The following PCDHGB7 variants were observed in gnomAD, a reference collection of about 807,000 sequenced individuals.
The protein encoded by PCDHGB7 is protocadherin gamma subfamily B, 7.
PCDHGB7 carries 37 observed loss-of-function variants against 61.4 expected under a neutral mutation model. The ratio of observed to expected loss-of-function variants is 0.60; its 90% confidence interval spans 0.46 to 0.79. The LOEUF (loss-of-function observed/expected upper bound fraction) is 0.79. Among genes scored for constraint, PCDHGB7 ranks in the 30% least tolerant of loss-of-function variants. PCDHGB7 has a pLI of 0.00. For synonymous variants in PCDHGB7, 464 were observed against 503.5 expected (o/e 0.92, Z 1.05); for missense variants, 1,166 against 1,202.5 (o/e 0.97, Z 0.45).
rs1192987646 is a variant in PCDHGB7, at chr5:141,423,758, G to A, written c.2415+3484G>A. Reference sequence around the variant, plus strand: ...CTGTTATGAAAACTGTTTGGGGGGGGGGTGGGGCGGCATATATTTAGTTCA... The same window carrying A: ...CTGTTATGAAAACTGTTTGGGGGGGAGGTGGGGCGGCATATATTTAGTTCA... On this transcript the variant is annotated intron_variant, in intron 1 of 3. Coordinates refer to ENST00000398594, the MANE Select transcript of PCDHGB7 (RefSeq NM_018927.4). 8.2e-5 allele frequency: 30 copies of A among 366,770 alleles called. 3 individuals are homozygous for A. Among genetic ancestry groups the A allele is most frequent in the Non-Finnish European group, 1.1e-4 (29 of 259,742 alleles). The allele number at this position is 366,770 out of a possible 1,614,324, so 22.7% of individuals were successfully genotyped here.
intron 1 of PCDHGB7, among the ~76,000 whole-genome samples, chr5:141,435,840 T>G (rs1408413470): frequency 6.6e-6 from 1 of 152,118 alleles, no homozygotes; most frequent in Non-Finnish European, 1.5e-5. Context: ...CCTATCTACT[T>G]TGAAAGATAC....
At position 141,476,051 on chromosome 5, in the gene PCDHGB7, GA is replaced by G; in HGVS notation, c.2416-18753del. On this transcript the variant is annotated intron_variant, in intron 1 of 3. Transcript: ENST00000398594. This position sits in a 1 kb window ranked among gnomAD's most constrained non-coding sequence, Gnocchi z 7.6. ...CCCAGCGCCCAAGCGCTAACCCGCT[GA>G]AAGTTTCTCAGCGAAATCTCAGGGA... 1.3e-6 allele frequency: 2 copies of G among 1,504,270 alleles called. No individual in the cohort carries two copies. The highest frequency in any genetic ancestry group is 1.8e-6 in the Non-Finnish European group (2 of 1,133,694). The allele number at this position is 1,504,270 out of a possible 1,614,324, so 93.2% of individuals were successfully genotyped here.
intron 1 of PCDHGB7, chr5:141,423,397 C>A: frequency 1.9e-6 from 3 of 1,614,146 alleles, no homozygotes; most frequent in Non-Finnish European, 2.5e-6. Context: ...GCATAAGTCA[C>A]GCCTGCTGCA....
At position 141,485,275 on chromosome 5, in the gene PCDHGB7, G is replaced by A. The variant is rs77402299; in HGVS notation, c.2416-9532G>A. The A allele has an allele frequency of 8.7e-6, 14 of 1,613,954 alleles. No homozygotes were observed. In the African/African-American group the frequency reaches 1.1e-4, roughly 12 times the overall value. ...ACGTTTGTGGGCAGATCCGCTACCC[G>A]GTCCCAGAGGAGTCACAGGAAGGGA... On this transcript the variant is annotated intron_variant, in intron 1 of 3. Transcript: ENST00000398594. The surrounding 1 kb of genome is among the most constrained non-coding windows in gnomAD (Gnocchi z 5.7).
chr5:141,477,719 T>C lies in PCDHGB7; in HGVS notation c.2416-17088T>C. 6.2e-7 allele frequency: 1 copy of C among 1,613,876 alleles called. No individual in the cohort carries two copies. Among genetic ancestry groups the C allele is most frequent in the Non-Finnish European group, 8.5e-7 (1 of 1,180,028 alleles). ...CTATGAGGATCGGCGGGAATTTGAA[T>C]TAACAGCTCATATCAGCGATGGGGG... On this transcript the variant is annotated intron_variant, in intron 1 of 3. Transcript: ENST00000398594. The surrounding 1 kb of genome is among the most constrained non-coding windows in gnomAD (Gnocchi z 4.9).
chr5:141,422,349 T>C (rs768693451), intron 1 of PCDHGB7: 95 of 1,554,604 alleles, frequency 6.1e-5, no homozygotes, highest in Non-Finnish European at 8.2e-5. Flanking sequence ...ATGTGCAAGA[T>C]CAAGATTCTG....
In PCDHGB7 at chr5:141,418,010, G is replaced by A; in HGVS notation, c.151G>A (p.Ala51Thr). 1 of 1,613,914 alleles carries A rather than the reference G, an allele frequency of 6.2e-7. No individual in the cohort carries two copies. Among genetic ancestry groups the A allele is most frequent in the African/African-American group, 1.3e-5 (1 of 75,060 alleles). The change falls in exon 1 of 4, where the codon GCT becomes ACT. Residue 51 changes from alanine (A) to threonine (T), a missense_variant. Physicochemically the swap from Ala to Thr is moderately conservative, Grantham distance 58 (BLOSUM62 0). Transcript: ENST00000398594. Reference protein sequence around the residue: ...LAKGSVVGNLAKDLGLSVLDV... With the variant: ...LAKGSVVGNLTKDLGLSVLDV... Reference sequence around the variant, plus strand: ...CAAGGGCTCGGTGGTGGGGAACCTCGCTAAGGATCTAGGGCTTAGTGTCCT... The same window carrying A: ...CAAGGGCTCGGTGGTGGGGAACCTCACTAAGGATCTAGGGCTTAGTGTCCT...
Position 141,477,749 on chromosome 5 carries a change from C to T in PCDHGB7, c.2416-17058C>T. The stretch of plus-strand genomic sequence containing the variant: ...AGCTCATATCAGCGATGGGGGCACC[C>T]CGGTCCTAGCCACCAACATCAGCGT... On this transcript the variant is annotated intron_variant, in intron 1 of 3. Transcript: ENST00000398594. The surrounding 1 kb of genome is among the most constrained non-coding windows in gnomAD (Gnocchi z 4.9). 1 of 1,613,904 alleles carries T rather than the reference C, an allele frequency of 6.2e-7. No homozygotes were observed. Among genetic ancestry groups the T allele is most frequent in the Non-Finnish European group, 8.5e-7 (1 of 1,180,030 alleles).
rs2097423534 is a variant in PCDHGB7 at position 141,431,850 on chromosome 5, C to A, written c.2415+11576C>A. 6.2e-7 allele frequency: 1 copy of A among 1,614,234 alleles called. No individual in the cohort carries two copies. ...GTTCCCGAAAACTCTCCCAGAGGGA[C>A]ATTAATTGCCCTTTTAAATGTAAAT... On this transcript the variant is annotated intron_variant, in intron 1 of 3. Coordinates refer to ENST00000398594, the MANE Select transcript of PCDHGB7 (RefSeq NM_018927.4). This position sits in a 1 kb window ranked among gnomAD's most constrained non-coding sequence, Gnocchi z 4.8.
In PCDHGB7 at chr5:141,462,417, A is replaced by G. The variant is rs184240612; in HGVS notation, c.2416-32390A>G. 4.0e-4 allele frequency among the ~76,000 whole-genome samples: 61 copies of G among 152,300 alleles called. 1 individual carries two copies. The highest frequency in any genetic ancestry group is 3.2e-3 in the Admixed American group (49 of 15,300). ...TCTTTTATGGCACAGAATATGGTCT[A>G]TCTTGGTGAGTGTTGCTTACACACA... On this transcript the variant is annotated intron_variant, in intron 1 of 3. Transcript: ENST00000398594.
intron 2 of PCDHGB7, among the ~76,000 whole-genome samples, chr5:141,498,789 C>T (rs1302940884): frequency 6.6e-6 from 1 of 151,980 alleles, no homozygotes; most frequent in Non-Finnish European, 1.5e-5. Context: ...AAATATTAGC[C>T]AGGTGTGGTG....
rs780541121 is a variant in PCDHGB7 at position 141,477,533 on chromosome 5, G to T, written c.2416-17274G>T. ...TTACATTGAAGAAAACAACCTCCCCGGGGCTCCAATACTAAACCTAAGTGT... is the reference window on the plus strand; with the variant it reads ...TTACATTGAAGAAAACAACCTCCCCTGGGCTCCAATACTAAACCTAAGTGT... On this transcript the variant is annotated intron_variant, in intron 1 of 3. Coordinates refer to ENST00000398594, the MANE Select transcript of PCDHGB7 (RefSeq NM_018927.4). This position sits in a 1 kb window ranked among gnomAD's most constrained non-coding sequence, Gnocchi z 4.9. 6.2e-7 allele frequency: 1 copy of T among 1,614,010 alleles called. No homozygotes were observed. The highest frequency in any genetic ancestry group is 1.1e-5 in the South Asian group (1 of 91,066).
At chr5:141,467,005 G>A (rs1365805332) in intron 1 of PCDHGB7, among the ~76,000 whole-genome samples, 3 of 150,724 alleles carry the variant, frequency 2.0e-5, no homozygotes, top group Non-Finnish European at 4.4e-5. Flanking sequence ...TTTTTGCAAT[G>A]CAATTTTTTT....
intron 1 of PCDHGB7, chr5:141,475,850 G>C (rs2099376325): frequency 8.6e-6 from 4 of 464,524 alleles, no homozygotes; most frequent in Non-Finnish European, 1.5e-5. Flanking sequence ...AGAGAGCCCG[G>C]CGCTAGCTCA....
chr5:141,425,119 T>G (rs1234720658), intron 1 of PCDHGB7, among the ~76,000 whole-genome samples: 1 of 152,220 alleles, frequency 6.6e-6, no homozygotes, highest in Non-Finnish European at 1.5e-5. Context: ...ACATTTTTCT[T>G]GAAGTCAAGA....
rs994726301 is a variant in PCDHGB7, at chr5:141,476,632, T to C, written c.2416-18175T>C. ...TGGGAAGCAACTCTTTACAAACCTA[T>C]GAGCTGAGCCGAAATGAATACTTTG... On this transcript the variant is annotated intron_variant, in intron 1 of 3. Transcript: ENST00000398594. The surrounding 1 kb of genome is among the most constrained non-coding windows in gnomAD (Gnocchi z 7.6). The C allele has an allele frequency of 8.7e-6, 14 of 1,614,098 alleles. No homozygotes were observed. Among genetic ancestry groups the C allele is most frequent in the Admixed American group, 1.7e-5 (1 of 60,016 alleles).
In PCDHGB7 at chr5:141,419,118, T is replaced by C; in HGVS notation, c.1259T>C (p.Val420Ala). The change falls in exon 1 of 4, where the codon GTC becomes GCC. Residue 420 changes from valine to alanine, a missense_variant. Physicochemically the swap from Val to Ala is moderately conservative, Grantham distance 64 (BLOSUM62 0). Coordinates refer to ENST00000398594, the MANE Select transcript of PCDHGB7 (RefSeq NM_018927.4). ...LDREQTPEYN[V>A]TIAATDRGKP... Reference sequence around the variant, plus strand: ...CGGGAGCAGACCCCAGAGTACAACGTCACCATCGCAGCCACAGACAGGGGC... The same window carrying C: ...CGGGAGCAGACCCCAGAGTACAACGCCACCATCGCAGCCACAGACAGGGGC... 6.2e-7 allele frequency: 1 copy of C among 1,613,806 alleles called. No homozygotes were observed. The highest frequency in any genetic ancestry group is 1.1e-5 in the South Asian group (1 of 91,072).
chr5:141,437,512 G>A (rs1201910374), intron 1 of PCDHGB7, among the ~76,000 whole-genome samples: 2 of 152,144 alleles, frequency 1.3e-5, no homozygotes, highest in African/African-American at 2.4e-5. Flanking sequence ...TGAATTATAA[G>A]GCTGATGACA....
In PCDHGB7 at chr5:141,432,002, G is replaced by T; in HGVS notation, c.2415+11728G>T. The T allele has an allele frequency of 6.2e-7, 1 of 1,614,186 alleles. No homozygotes were observed. The highest frequency in any genetic ancestry group is 1.1e-5 in the South Asian group (1 of 91,090). ...AGACATAGTCTTGGATAGGGAACAGGTTCCTAGCTACAACATCACAGTGAC... is the reference window on the plus strand; with the variant it reads ...AGACATAGTCTTGGATAGGGAACAGTTTCCTAGCTACAACATCACAGTGAC... On this transcript the variant is annotated intron_variant, in intron 1 of 3. Coordinates refer to ENST00000398594, the MANE Select transcript of PCDHGB7 (RefSeq NM_018927.4). The surrounding 1 kb of genome is among the most constrained non-coding windows in gnomAD (Gnocchi z 6.0).
Sources: gnomAD v4.1 joint callset for allele counts (sites outside exome capture counted in the v4.1 genomes callset) on GRCh38, gnomAD v4.1.1 for gene constraint, Gnocchi (gnomAD v3.1) non-coding constraint, MANE v1.5 for transcripts, NCBI Gene and HGNC (gene_info 2026-07-23, HGNC 2026-07-21) for gene names.